The following FEZ1 variants were observed in gnomAD, a reference collection of about 807,000 sequenced individuals.
FEZ1 encodes the protein fasciculation and elongation protein zeta 1, also known as fasciculation and elongation protein zeta-1.
In FEZ1, 20 loss-of-function variants were observed where a neutral mutation model predicts 49.3. That is an observed-to-expected ratio of 0.41 (90% confidence interval 0.29 to 0.59). The LOEUF is 0.59. FEZ1 is among the 20% of genes least tolerant of loss of function. The pLI, the probability that FEZ1 is intolerant of heterozygous loss-of-function variation, is 0.36. For synonymous variants in FEZ1, 170 were observed against 180.9 expected, an observed-to-expected ratio of 0.94 and a Z score of 0.48; for missense variants, 413 against 476.0, an observed-to-expected ratio of 0.87 and a Z score of 1.23.
At chr11:125,453,076 G>A (rs921588334) in intron 7 of FEZ1, 2 of 152,010 alleles carry the variant, frequency 1.3e-5, no homozygotes, top group African/African-American at 4.8e-5. Flanking sequence ...TCCTGCCTCA[G>A]CCTCCCAAGT....
intron 1 of FEZ1, among the ~76,000 whole-genome samples, chr11:125,492,828 C>T (rs1443480082): frequency 1.3e-5 from 2 of 152,092 alleles, no homozygotes; most frequent in Non-Finnish European, 2.9e-5. Flanking sequence ...CAAAGCTGGG[C>T]ACGGTGGCTC....
At chr11:125,484,600 G>A (rs775566388) in intron 2 of FEZ1, among the ~76,000 whole-genome samples, 85 of 151,638 alleles carry the variant, frequency 5.6e-4, no homozygotes, top group African/African-American at 2.0e-3. Context: ...CCTGGGAGGC[G>A]GAGGTTGCAG....
intron 3 of FEZ1, among the ~76,000 whole-genome samples, chr11:125,464,633 C>A (rs1291880231): frequency 6.6e-6 from 1 of 152,196 alleles, no homozygotes; most frequent in Non-Finnish European, 1.5e-5. Context: ...AAACTTCTCC[C>A]GTCTTCTGTG....
intron 9 of FEZ1, 41 bp from the exon 10 acceptor site, chr11:125,446,152 G>C (rs368090370): frequency 1.9e-6 from 3 of 1,611,176 alleles, no homozygotes; most frequent in Non-Finnish European, 2.5e-6. Flanking sequence ...TCAGAACACA[G>C]TTGCAGGTGG....
At chr11:125,486,307 G>A (rs967374477) in intron 2 of FEZ1, among the ~76,000 whole-genome samples, 1 of 152,176 alleles carries the variant, frequency 6.6e-6, no homozygotes, top group African/African-American at 2.4e-5. Flanking sequence ...GGTAAGCTGA[G>A]GGCCGTCAAT....
rs1957421072 is a variant in FEZ1 at position 125,493,497 on chromosome 11, A to AAAGAAG, written c.-46+2623_-46+2624insCTTCTT. On this transcript the variant is annotated intron_variant, in intron 1 of 9. Transcript: ENST00000278919. The stretch of plus-strand genomic sequence containing the variant: ...AGGAAAGAAGGAAAGAAGGAAAGAA[A>AAAGAAG]GAAAGAAAGAGAGAAAGAAAGAAAG... 2.2e-5 allele frequency among the ~76,000 whole-genome samples: 2 copies of AAAGAAG among 90,400 alleles called. 1 individual carries two copies. Among genetic ancestry groups the AAAGAAG allele is most frequent in the Non-Finnish European group, 4.5e-5 (2 of 44,226 alleles). 59.3% of individuals were successfully genotyped at this position (90,400 alleles called of 152,430 possible).
intron 2 of FEZ1, among the ~76,000 whole-genome samples, chr11:125,485,379 G>A (rs527266174): frequency 3.3e-5 from 5 of 152,188 alleles, no homozygotes; most frequent in African/African-American, 4.8e-5. Flanking sequence ...GCCAGGACAC[G>A]TGTACAAAGA....
chr11:125,486,530 C>T (rs1254359358), intron 2 of FEZ1, among the ~76,000 whole-genome samples: 1 of 152,222 alleles, frequency 6.6e-6, no homozygotes, highest in Non-Finnish European at 1.5e-5. Flanking sequence ...TCTTAGCCAA[C>T]TCCCCTCTTG....
intron 3 of FEZ1, among the ~76,000 whole-genome samples, chr11:125,466,680 C>A (rs1288293523): frequency 6.6e-6 from 1 of 152,122 alleles, no homozygotes; most frequent in Non-Finnish European, 1.5e-5. Context: ...AGGACTATAA[C>A]ATGAAAGCTT....
chr11:125,473,485 T>C (rs1957200794), intron 3 of FEZ1, among the ~76,000 whole-genome samples: 1 of 152,026 alleles, frequency 6.6e-6, no homozygotes, highest in Non-Finnish European at 1.5e-5. Flanking sequence ...TCAAAAATTT[T>C]AAAAAATGAG....
At chr11:125,491,176 C>A (rs572310869) in intron 1 of FEZ1, among the ~76,000 whole-genome samples, 7 of 152,296 alleles carry the variant, frequency 4.6e-5, no homozygotes, top group African/African-American at 1.7e-4. Flanking sequence ...CAAAGCCATA[C>A]TCCATAACCA....
In FEZ1 at chr11:125,443,028, G is replaced by A. The variant is rs1260901572; in HGVS notation, c.*3067C>T. Among the ~76,000 whole-genome samples, 2 of 152,060 alleles carry A rather than the reference G, an allele frequency of 1.3e-5. No homozygotes were observed. The highest frequency in any genetic ancestry group is 2.9e-5 in the Non-Finnish European group (2 of 68,032). The stretch of plus-strand genomic sequence containing the variant: ...TGGGATTACAGGCATGAGCCACCAC[G>A]CCCGGCCCTGTGGTGGAGTTTTCTT... On this transcript the variant is annotated 3_prime_UTR_variant, in exon 10 of 10. Transcript: ENST00000278919.
At chr11:125,457,698 G>A (rs1368091084) in intron 5 of FEZ1, among the ~76,000 whole-genome samples, 2 of 151,874 alleles carry the variant, frequency 1.3e-5, no homozygotes, top group East Asian at 3.9e-4. Flanking sequence ...TTTGGATGCA[G>A]ACATGCAATG....
chr11:125,462,905 C>T (rs1424301261), intron 4 of FEZ1, among the ~76,000 whole-genome samples: 3 of 151,160 alleles, frequency 2.0e-5, no homozygotes, highest in East Asian at 1.9e-4. Flanking sequence ...GGGCCTGAGG[C>T]GGGAGGATCG....
intron 1 of FEZ1, among the ~76,000 whole-genome samples, chr11:125,493,303 C>T (rs1235595057): frequency 6.7e-6 from 1 of 148,794 alleles, no homozygotes; most frequent in Non-Finnish European, 1.5e-5. Flanking sequence ...CATTGCACTC[C>T]AGCCTGGGCA....
At chr11:125,463,427 G>T in intron 4 of FEZ1, 57 bp downstream of exon 4, 2 of 1,007,120 alleles carry the variant, frequency 2.0e-6, no homozygotes, top group South Asian at 1.3e-5. Flanking sequence ...TGTTCTCTTG[G>T]ACTTTTTCTC....
chr11:125,477,108 G>C (rs1194265226), intron 3 of FEZ1, among the ~76,000 whole-genome samples: 1 of 152,074 alleles, frequency 6.6e-6, no homozygotes, highest in Non-Finnish European at 1.5e-5. Flanking sequence ...ATTTATTTAA[G>C]CATTGTGTTA....
At chr11:125,484,737 G>A (rs1039107703) in intron 2 of FEZ1, among the ~76,000 whole-genome samples, 4 of 151,960 alleles carry the variant, frequency 2.6e-5, no homozygotes, top group African/African-American at 9.7e-5. Flanking sequence ...TACGTACGAT[G>A]ATCCTGAACA....
At chr11:125,491,273 A>G (rs11220092) in intron 1 of FEZ1, among the ~76,000 whole-genome samples, 1,827 of 152,238 alleles carry the variant, frequency 0.012, 34 homozygotes, top group African/African-American at 0.032. Context: ...TCATCGGGCC[A>G]TCTTCATGCA....
Sources: allele counts gnomAD v4.1 joint callset (sites outside exome capture counted in the v4.1 genomes callset), GRCh38; gene constraint gnomAD v4.1.1; transcripts MANE v1.5; gene names NCBI Gene and HGNC (gene_info 2026-07-23, HGNC 2026-07-21).